Variants in CD96 observed in about 807,000 individuals in gnomAD.
The protein encoded by CD96 is T-cell surface protein tactile.
A neutral mutation model predicts 71.3 loss-of-function variants in CD96; 70 were observed. The ratio of observed to expected loss-of-function variants is 0.98; its 90% CI spans 0.81 to 1.20. The LOEUF (loss-of-function observed/expected upper bound fraction) is 1.20, where lower values mean the gene tolerates loss of function less well. Ranked by LOEUF, CD96 falls within the 50% of genes most tolerant of loss-of-function variation. CD96 has a pLI of 0.00. For synonymous variants in CD96, 248 were observed against 233.0 expected (o/e 1.06, Z -0.59); for missense variants, 742 against 677.5 (o/e 1.10, Z -1.06).
intron 2 of CD96, among the ~76,000 whole-genome samples, chr3:111,554,382 A>T (rs1934879187): frequency 6.6e-6 from 1 of 152,094 alleles, no homozygotes; most frequent in Non-Finnish European, 1.5e-5. Context: ...CCACCTTTTG[A>T]TCTACTTCCT....
intron 14 of CD96, among the ~76,000 whole-genome samples, chr3:111,664,968 T>G (rs570614543): frequency 6.6e-6 from 1 of 152,240 alleles, no homozygotes; most frequent in Non-Finnish European, 1.5e-5. Context: ...AGTTATTATT[T>G]AGCAGTCAAA....
downstream of CD96, among the ~76,000 whole-genome samples, chr3:111,654,916 A>G (rs1310439555): frequency 6.6e-6 from 1 of 152,266 alleles, no homozygotes; most frequent in Non-Finnish European, 1.5e-5. Flanking sequence ...TGAATCCTGC[A>G]GAGAAGTTTG....
chr3:111,599,094 G>C (rs920974470), intron 6 of CD96, among the ~76,000 whole-genome samples: 1 of 151,396 alleles, frequency 6.6e-6, no homozygotes, highest in African/African-American at 2.4e-5. Context: ...TCAGCCTCCC[G>C]AGTAGCTGGG....
chr3:111,549,833 G>A (rs1934605885), intron 2 of CD96, among the ~76,000 whole-genome samples: 1 of 152,190 alleles, frequency 6.6e-6, no homozygotes, highest in Non-Finnish European at 1.5e-5. Context: ...TCTTATAGAT[G>A]TTGAGTTAGG....
rs908008581 is a variant in CD96, at chr3:111,651,771, A to G, written c.*1965A>G. On this transcript the variant is annotated 3_prime_UTR_variant, in exon 14 of 14. Transcript: ENST00000352690. ...GTGTCGGGCACCTGTAGTCCCAGCT[A>G]CTCAGGAGGCTGAGGCAGGAGAAGG... 6.6e-6 allele frequency: 1 copy of G among 152,220 alleles called. No individual in the cohort carries two copies. The highest frequency in any genetic ancestry group is 6.6e-5 in the Admixed American group (1 of 15,222). The allele number at this position is 152,220 out of a possible 1,614,324, so 9.4% of individuals were successfully genotyped here. A position where few individuals can be genotyped will look rare whatever the true frequency, so the allele number is the denominator to read the frequency against.
At chr3:111,552,804 A>G (rs952975823) in intron 2 of CD96, among the ~76,000 whole-genome samples, 4 of 152,192 alleles carry the variant, frequency 2.6e-5, no homozygotes, top group Non-Finnish European at 5.9e-5. Context: ...AACTGACAAT[A>G]CTGGTACTGG....
rs567632468 is a variant in CD96, at chr3:111,562,452, G to A, written c.419-5071G>A. ...CAACTCTATATTATGTCTTATTTAG[G>A]TTCATTTTGTTTCATTTTAGTAACT... On this transcript the variant is annotated intron_variant, in intron 2 of 13. Coordinates refer to ENST00000352690, the MANE Select transcript of CD96 (RefSeq NM_005816.5). 2.6e-4 allele frequency among the ~76,000 whole-genome samples: 39 copies of A among 152,130 alleles called. No homozygotes were observed. In the South Asian group the frequency reaches 7.5e-3, roughly 29 times the overall value.
chr3:111,647,602 C>A lies in CD96; in HGVS notation c.1537C>A (p.Leu513Ile). 6.2e-7 allele frequency: 1 copy of A among 1,610,322 alleles called. No homozygotes were observed. The highest frequency in any genetic ancestry group is 8.5e-7 in the Non-Finnish European group (1 of 1,176,664). ...MSWPVIVAAL[L>I]FCCMILFGLG... is the part of the protein sequence containing the mutation. ...CTGGCCAGTGATTGTAGCAGCTTTA[C>A]TCTTTTGCTGCATGATATTGTTTGG... is the stretch of plus-strand genomic sequence containing the variant. Residue 513 changes from leucine to isoleucine, a missense_variant, in exon 13 of 14, where the codon CTC becomes ATC. Leu to Ile is a conservative substitution (Grantham distance 5). Coordinates refer to ENST00000352690, the MANE Select transcript of CD96 (RefSeq NM_005816.5).
At chr3:111,564,431 T>C (rs1183382932) in intron 2 of CD96, among the ~76,000 whole-genome samples, 1 of 152,060 alleles carries the variant, frequency 6.6e-6, no homozygotes, top group Admixed American at 6.5e-5. Flanking sequence ...TGTTTCTGGT[T>C]TCATTCTAAT....
chr3:111,602,125 G>A (rs1402947207), intron 7 of CD96, among the ~76,000 whole-genome samples: 1 of 152,194 alleles, frequency 6.6e-6, no homozygotes, highest in Non-Finnish European at 1.5e-5. Flanking sequence ...TAATAGGGCT[G>A]CAGTCTTGGA....
At chr3:111,645,704 C>G (rs1939797742) in intron 12 of CD96, among the ~76,000 whole-genome samples, 2 of 152,056 alleles carry the variant, frequency 1.3e-5, no homozygotes, top group African/African-American at 4.8e-5. Flanking sequence ...GTGGTTTGAA[C>G]TATGTAAACT....
chr3:111,562,198 C>G (rs535316377), intron 2 of CD96, among the ~76,000 whole-genome samples: 6 of 152,266 alleles, frequency 3.9e-5, no homozygotes, highest in South Asian at 2.1e-4. Flanking sequence ...AGCTGTAGAC[C>G]GGAGCTGTTC....
intron 12 of CD96, among the ~76,000 whole-genome samples, chr3:111,645,122 C>G (rs1304907671): frequency 1.3e-5 from 2 of 151,994 alleles, no homozygotes; most frequent in Non-Finnish European, 2.9e-5. Context: ...AAATGCCCAT[C>G]AATCAATGAG....
At chr3:111,609,831 G>A (rs1479738010) in intron 8 of CD96, among the ~76,000 whole-genome samples, 1 of 152,182 alleles carries the variant, frequency 6.6e-6, no homozygotes, top group Non-Finnish European at 1.5e-5. Context: ...TGTTAGATAA[G>A]TGGTTGTCAA....
Position 111,627,485 on chromosome 3 carries a change from A to G in CD96, c.1321+3081A>G, listed in dbSNP as rs147775079. Reference sequence around the variant, plus strand: ...CTCTGGCCAGCCCCACCCATGTTCTATGGCCAACAGAGTTCTAATTTCTTC... The same window carrying G: ...CTCTGGCCAGCCCCACCCATGTTCTGTGGCCAACAGAGTTCTAATTTCTTC... On this transcript the variant is annotated intron_variant, in intron 10 of 13. Transcript: ENST00000352690. Among the ~76,000 whole-genome samples, 113 of 152,084 alleles carry G rather than the reference A, an allele frequency of 7.4e-4. 2 individuals are homozygous for G. In the South Asian group the frequency reaches 7.5e-3, roughly 10 times the overall value.
rs542698549 is a variant in CD96, at chr3:111,545,226, A to G, written c.242A>G (p.Tyr81Cys). Residue 81 changes from tyrosine (Y) to cysteine (C), a missense_variant, in exon 2 of 14, where the codon TAT (tyrosine) becomes TGT (cysteine). Transcript: ENST00000352690. ...YHPQYGFYCA[Y>C]GRPCESLVTF... is the part of the protein sequence containing the mutation. ...CCCCAATACGGCTTCTACTGTGCCT[A>G]TGGGAGACCCTGTGAGTCACTTGTG... 3.7e-6 allele frequency: 6 copies of G among 1,614,178 alleles called. No individual in the cohort carries two copies. The East Asian group carries it at 6.7e-5, about 18-fold the overall frequency.
At chr3:111,552,903 A>T (rs779600394) in intron 2 of CD96, among the ~76,000 whole-genome samples, 1 of 152,190 alleles carries the variant, frequency 6.6e-6, no homozygotes, top group African/African-American at 2.4e-5. Context: ...TAGAATAATT[A>T]TGAAAATTAT....
intron 8 of CD96, among the ~76,000 whole-genome samples, chr3:111,622,863 C>T (rs530011660): frequency 6.8e-4 from 104 of 152,278 alleles, no homozygotes; most frequent in Admixed American, 3.5e-3. Context: ...CTCTTTATTT[C>T]TTAGCACTTC....
chr3:111,637,070 A>T, intron 10 of CD96, 126 bp from the exon 11 acceptor site: 1 of 700,880 alleles, frequency 1.4e-6, no homozygotes, highest in Non-Finnish European at 2.6e-6. Flanking sequence ...GCTATGGAAC[A>T]GTTTAATGAT....
Sources: allele counts gnomAD v4.1 joint callset (sites outside exome capture counted in the v4.1 genomes callset), GRCh38; gene constraint gnomAD v4.1.1; transcripts MANE v1.5; gene names NCBI Gene and HGNC (gene_info 2026-07-23, HGNC 2026-07-21).